The following HPS3 variants were observed in gnomAD, a reference collection of about 807,000 sequenced individuals.
HPS3 encodes the protein BLOC-2 complex member HPS3.
HPS3 carries 79 observed loss-of-function variants against 110.9 expected under a neutral mutation model. The observed-to-expected ratio is 0.71, with a 90% CI of 0.59 to 0.86. HPS3 has a LOEUF of 0.86. Ranked by LOEUF, HPS3 falls within the 40% of genes least tolerant of loss-of-function variation. The probability of loss-of-function intolerance (pLI) is 0.00; values close to 1 mark genes in which losing one functional copy is unlikely to be tolerated. For synonymous variants in HPS3, 428 were observed against 451.0 expected (o/e 0.95, Z 0.65); for missense variants, 1,197 against 1,206.2 (o/e 0.99, Z 0.11).
intron 5 of HPS3, among the ~76,000 whole-genome samples, chr3:149,148,031 C>T (rs995296269): frequency 6.6e-6 from 1 of 151,972 alleles, no homozygotes; most frequent in Non-Finnish European, 1.5e-5. Context: ...CCGCCATGCC[C>T]GACTAATTTT....
Position 149,162,689 on chromosome 3 carries a change from G to T in HPS3, c.2293-1G>T. On this transcript the variant is annotated splice_acceptor_variant, in intron 12 of 16. Transcript: ENST00000296051. LOFTEE classifies it high-confidence loss of function. ...TAGAGGCTCCTTTTACTGTTTTTAA[G>T]GTGCTTTGTGCTAAGGATGAAGATA... 1 of 1,613,862 alleles carries T rather than the reference G, an allele frequency of 6.2e-7. No individual in the cohort carries two copies.
At chr3:149,134,164 T>G (rs1490221718) in intron 1 of HPS3, among the ~76,000 whole-genome samples, 1 of 152,210 alleles carries the variant, frequency 6.6e-6, no homozygotes, top group Non-Finnish European at 1.5e-5. Flanking sequence ...GCCACGGACC[T>G]GTTTGAAAAA....
intron 1 of HPS3, among the ~76,000 whole-genome samples, chr3:149,131,826 C>T (rs556698873): frequency 7.2e-5 from 11 of 152,238 alleles, no homozygotes; most frequent in East Asian, 1.9e-4. Flanking sequence ...GTTGTGACTG[C>T]AAAGGAAAAG....
At position 149,172,259 on chromosome 3, in the gene HPS3, A is replaced by G. The variant is rs1725070890; in HGVS notation, c.*37A>G. 6.3e-7 allele frequency: 1 copy of G among 1,590,926 alleles called. No individual in the cohort carries two copies. Among genetic ancestry groups the G allele is most frequent in the Admixed American group, 1.7e-5 (1 of 59,342 alleles). On this transcript the variant is annotated 3_prime_UTR_variant, in exon 17 of 17. Transcript: ENST00000296051. ...GAAAAATACCATAATGGCATTTGAG[A>G]CTGAATTTCTAAAAATTGAATGCCA... is the stretch of plus-strand genomic sequence containing the variant.
Position 149,160,067 on chromosome 3 carries a change from C to G in HPS3, c.1894C>G (p.Gln632Glu). ...AAAGGAATTAGCAGCAAAAGTGGTT[C>G]AGATGTTTTATGTGGCTGAGCCAAA... ...LNEELAAKVV[Q>E]MFYVAEPKQV... The change falls in exon 11 of 17, where the codon CAG becomes GAG. Residue 632 changes from glutamine (Q) to glutamate (E), a missense_variant. By Grantham distance (29) the Gln-to-Glu change is conservative (BLOSUM62 2). Transcript: ENST00000296051. The G allele has an allele frequency of 6.2e-7, 1 of 1,613,736 alleles. No homozygotes were observed.
At chr3:149,163,424 A>C (rs1724089150) in intron 13 of HPS3, among the ~76,000 whole-genome samples, 1 of 152,194 alleles carries the variant, frequency 6.6e-6, no homozygotes, top group African/African-American at 2.4e-5. Context: ...GCCATGGCTA[A>C]TGGAGGGTTA....
chr3:149,165,208 G>A (rs1724296494), intron 14 of HPS3, among the ~76,000 whole-genome samples: 1 of 151,982 alleles, frequency 6.6e-6, no homozygotes, highest in South Asian at 2.1e-4. Context: ...GGGGAGCATT[G>A]GACAAGACAG....
intron 5 of HPS3, among the ~76,000 whole-genome samples, chr3:149,148,094 A>T (rs1219592168): frequency 6.6e-6 from 1 of 152,014 alleles, no homozygotes; most frequent in Non-Finnish European, 1.5e-5. Context: ...GCTGGTCTCC[A>T]ACTCCTAACC....
At position 149,155,220 on chromosome 3, in the gene HPS3, T is replaced by C. The variant is rs200117898; in HGVS notation, c.1509+5T>C. On this transcript the variant is annotated splice_donor_5th_base_variant and intron_variant, in intron 8 of 16. Transcript: ENST00000296051. ...GTGCAGCTGTACAAAGAGATGGTAC[T>C]CTTTTCAAACTTCTGATTCTTGTTT... is the stretch of plus-strand genomic sequence containing the variant. The C allele has an allele frequency of 3.4e-5, 47 of 1,379,310 alleles. No homozygotes were observed. In the East Asian group the frequency reaches 1.0e-3, roughly 29 times the overall value. The allele number at this position is 1,379,310 out of a possible 1,614,324, so 85.4% of individuals were successfully genotyped here. A position where few individuals can be genotyped will look rare whatever the true frequency, so the allele number is the denominator to read the frequency against.
At position 149,157,414 on chromosome 3, in the gene HPS3, C is replaced by A; in HGVS notation, c.1574C>A (p.Ala525Asp). 1 of 1,613,922 alleles carries A rather than the reference C, an allele frequency of 6.2e-7. No individual in the cohort carries two copies. Among genetic ancestry groups the A allele is most frequent in the Non-Finnish European group, 8.5e-7 (1 of 1,179,886 alleles). The change falls in exon 9 of 17, where the codon GCT (alanine) becomes GAT (aspartate). Residue 525 changes from alanine (A) to aspartate (D), a missense_variant. Physicochemically the swap from Ala to Asp is moderately radical, Grantham distance 126. Transcript: ENST00000296051. ...TQSCIHLLSE[A>D]HLLVRAALMD... is the part of the protein sequence containing the mutation. ...AGCTGCATTCACCTTCTCAGTGAGGCTCATCTGTTAGTGCGAGCTGCCCTG... is the reference window on the plus strand; with the variant it reads ...AGCTGCATTCACCTTCTCAGTGAGGATCATCTGTTAGTGCGAGCTGCCCTG...
chr3:149,131,362 C>A (rs1418574376), intron 1 of HPS3, among the ~76,000 whole-genome samples: 1 of 152,100 alleles, frequency 6.6e-6, no homozygotes, highest in Non-Finnish European at 1.5e-5. Context: ...CTGTGTGGAG[C>A]AAATCTACCA....
rs1211061735 is a variant in HPS3 at position 149,167,297 on chromosome 3, C to A, written c.2796+57C>A. On this transcript the variant is annotated intron_variant, in intron 15 of 16. Coordinates refer to ENST00000296051, the MANE Select transcript of HPS3 (RefSeq NM_032383.5). Reference sequence around the variant, plus strand: ...GATCAGTGATAATCAGATCTGATAACCTCATTTCCTTTCCTGCAAAATGGG... The same window carrying A: ...GATCAGTGATAATCAGATCTGATAAACTCATTTCCTTTCCTGCAAAATGGG... The A allele has an allele frequency of 1.5e-5, 20 of 1,361,818 alleles. No individual in the cohort carries two copies. The African/African-American group carries it at 2.5e-4, about 17-fold the overall frequency. The allele number at this position is 1,361,818 out of a possible 1,614,324, so 84.4% of individuals were successfully genotyped here.
intron 1 of HPS3, chr3:149,130,407 C>T (rs55940224): frequency 0.021 from 3,437 of 165,196 alleles, 144 homozygotes; most frequent in African/African-American, 0.078. Context: ...CATCTACTTC[C>T]GGTCGGTTTT....
chr3:149,151,587 T>TAA (rs1167453087), intron 6 of HPS3, among the ~76,000 whole-genome samples: 690 of 40,312 alleles, frequency 0.017, 62 homozygotes, highest in African/African-American at 0.032. Flanking sequence ...GCTTGGTTTC[T>TAA]AAAAAAAAAA....
chr3:149,135,183 T>G (rs893260844), intron 1 of HPS3, among the ~76,000 whole-genome samples: 7 of 152,170 alleles, frequency 4.6e-5, no homozygotes, highest in Admixed American at 4.6e-4. Flanking sequence ...TAGCTGAAAG[T>G]TTTTAAAATA....
intron 11 of HPS3, 66 bp downstream of exon 11, chr3:149,160,345 C>A: frequency 9.6e-7 from 1 of 1,046,524 alleles, no homozygotes; most frequent in Non-Finnish European, 1.5e-6. Flanking sequence ...AAGTGTTTAG[C>A]TGTCTTCTGG....
intron 8 of HPS3, among the ~76,000 whole-genome samples, 177 bp downstream of exon 8, chr3:149,155,392 C>T (rs181648651): frequency 1.7e-3 from 261 of 152,222 alleles, no homozygotes; most frequent in Admixed American, 3.3e-3. Flanking sequence ...TTCTGACATC[C>T]GAGGAACCAG....
At chr3:149,154,743 T>C (rs1449846415) in intron 7 of HPS3, among the ~76,000 whole-genome samples, 1 of 152,230 alleles carries the variant, frequency 6.6e-6, no homozygotes, top group African/African-American at 2.4e-5. Context: ...GCTCAGGGCA[T>C]GCTAGACTCA....
At chr3:149,167,003 A>G in intron 14 of HPS3, 31 bp from the exon 15 acceptor site, 1 of 1,552,580 alleles carries the variant, frequency 6.4e-7, no homozygotes, top group African/African-American at 1.4e-5. Context: ...GAGGTGCCTC[A>G]TTTCATAACA....
Sources: allele counts gnomAD v4.1 joint callset (sites outside exome capture counted in the v4.1 genomes callset), GRCh38; gene constraint gnomAD v4.1.1; transcripts MANE v1.5; gene names NCBI Gene and HGNC (gene_info 2026-07-23, HGNC 2026-07-21).